The following CPSF2 variants were observed in gnomAD, a reference collection of about 807,000 sequenced individuals.
The protein encoded by CPSF2 is cleavage and polyadenylation specificity factor subunit 2.
In CPSF2, 51 loss-of-function variants were observed where a neutral mutation model predicts 84.2. The ratio of observed to expected loss-of-function variants is 0.61; its 90% CI spans 0.48 to 0.77. CPSF2 has a LOEUF of 0.77. Among genes scored for constraint, CPSF2 ranks in the 30% least tolerant of loss-of-function variants. The probability of loss-of-function intolerance (pLI) is 0.00; values close to 1 mark genes in which losing one functional copy is unlikely to be tolerated. For synonymous variants in CPSF2, 286 were observed against 311.9 expected, an observed-to-expected ratio of 0.92 and a Z score of 0.87; for missense variants, 641 against 929.4, an observed-to-expected ratio of 0.69 and a Z score of 4.03.
Position 92,159,166 on chromosome 14 carries a change from G to T in CPSF2, c.2005G>T (p.Asp669Tyr). ...DSEMQVEAPS[D>Y]SSVIAQQKAM... ...AGAGATGCAAGTGGAAGCTCCCTCA[G>T]ATTCTAGCGTTATAGCACAACAAAA... Residue 669 changes from aspartate to tyrosine, a missense_variant, in exon 14 of 16, where the codon GAT becomes TAT. Around this residue, in one of 2 missense-constraint regions of CPSF2, gnomAD observed 430 missense variants for 553.6 expected, o/e 0.78. Coordinates refer to ENST00000298875, the MANE Select transcript of CPSF2 (RefSeq NM_017437.3). 1 of 1,614,068 alleles carries T rather than the reference G, an allele frequency of 6.2e-7. No homozygotes were observed. Among genetic ancestry groups the T allele is most frequent in the East Asian group, 2.2e-5 (1 of 44,872 alleles).
rs1567021143 is a variant in CPSF2 at position 92,143,119 on chromosome 14, G to A, written c.965G>A (p.Ser322Asn). ...CTTTCTGACTTGGCCCGTGTACCTAGCCCTAAAGTTGTACTTGCCAGCCAA... is the reference window on the plus strand; with the variant it reads ...CTTTCTGACTTGGCCCGTGTACCTAACCCTAAAGTTGTACTTGCCAGCCAA... Reference protein sequence around the residue: ...HGLSDLARVPSPKVVLASQPD... With the variant: ...HGLSDLARVPNPKVVLASQPD... Residue 322 changes from serine (S) to asparagine (N), a missense_variant, in exon 9 of 16, where the codon AGC becomes AAC. Physicochemically the swap from Ser to Asn is conservative, Grantham distance 46. Transcript: ENST00000298875. The A allele has an allele frequency of 6.2e-7, 1 of 1,613,996 alleles. No individual in the cohort carries two copies. Among genetic ancestry groups the A allele is most frequent in the Non-Finnish European group, 8.5e-7 (1 of 1,180,000 alleles).
chr14:92,138,521 C>A (rs1002829133), intron 7 of CPSF2, among the ~76,000 whole-genome samples, 174 bp downstream of exon 7: 14 of 152,034 alleles, frequency 9.2e-5, no homozygotes, highest in Admixed American at 1.3e-4. Context: ...CTTCCGCCTC[C>A]TGGGTTCAAG....
At position 92,161,954 on chromosome 14, in the gene CPSF2, T is replaced by G; in HGVS notation, c.*210T>G. ...CTTTTGGCTTTCAGAGTGATAGAGCTCCTAACAGGTGTACAGGCCCAAGAG... is the reference window on the plus strand; with the variant it reads ...CTTTTGGCTTTCAGAGTGATAGAGCGCCTAACAGGTGTACAGGCCCAAGAG... On this transcript the variant is annotated 3_prime_UTR_variant, in exon 16 of 16. Coordinates refer to ENST00000298875, the MANE Select transcript of CPSF2 (RefSeq NM_017437.3). The G allele has an allele frequency of 2.4e-6, 1 of 420,256 alleles. No homozygotes were observed. The highest frequency in any genetic ancestry group is 4.2e-6 in the Non-Finnish European group (1 of 240,078). 26.0% of individuals were successfully genotyped at this position (420,256 alleles called of 1,614,324 possible). A position where few individuals can be genotyped will look rare whatever the true frequency, so the allele number is the denominator to read the frequency against.
At chr14:92,150,571 G>A (rs779771623) in intron 9 of CPSF2, among the ~76,000 whole-genome samples, 3 of 152,024 alleles carry the variant, frequency 2.0e-5, no homozygotes, top group African/African-American at 7.3e-5. Flanking sequence ...AGGACTACGG[G>A]TGTGTTTCAC....
At chr14:92,132,472 C>T (rs1192386315) in intron 3 of CPSF2, among the ~76,000 whole-genome samples, 1 of 150,336 alleles carries the variant, frequency 6.7e-6, no homozygotes, top group Admixed American at 6.6e-5. Flanking sequence ...AGTTCTTGAA[C>T]TTAAATTAAT....
At chr14:92,131,851 GATAAA>G (rs2068936073) in intron 3 of CPSF2, among the ~76,000 whole-genome samples, 1 of 150,630 alleles carries the variant, frequency 6.6e-6, no homozygotes, top group Non-Finnish European at 1.5e-5. Context: ...AAAAAAATAA[GATAAA>G]ATAAAAAGTC....
chr14:92,122,761 G>T (rs2068790765), intron 1 of CPSF2, among the ~76,000 whole-genome samples: 1 of 152,110 alleles, frequency 6.6e-6, no homozygotes, highest in Admixed American at 6.5e-5. Context: ...GGCAAGTCTG[G>T]CTTCCTGTGA....
chr14:92,168,274 G>A lies in CPSF2; in HGVS notation c.*6530G>A, dbSNP rs1017737947. 3.6e-5 allele frequency: 5 copies of A among 140,274 alleles called. No homozygotes were observed. Among genetic ancestry groups the A allele is most frequent in the African/African-American group, 1.3e-4 (5 of 38,802 alleles). The allele number at this position is 140,274 out of a possible 1,614,324, so 8.7% of individuals were successfully genotyped here. On this transcript the variant is annotated 3_prime_UTR_variant, in exon 16 of 16. Coordinates refer to ENST00000298875, the MANE Select transcript of CPSF2 (RefSeq NM_017437.3). ...AAAAAAAAAAAAAAAAAAGGGCAGG[G>A]GGAGCGGCTAGAGAAGGAACATTCA...
Position 92,135,501 on chromosome 14 carries a change from G to A in CPSF2, c.545+5G>A. 6.2e-7 allele frequency: 1 copy of A among 1,608,238 alleles called. No individual in the cohort carries two copies. Among genetic ancestry groups the A allele is most frequent in the Non-Finnish European group, 8.5e-7 (1 of 1,177,806 alleles). On this transcript the variant is annotated splice_donor_5th_base_variant and intron_variant, in intron 6 of 15. Coordinates refer to ENST00000298875, the MANE Select transcript of CPSF2 (RefSeq NM_017437.3). The stretch of plus-strand genomic sequence containing the variant: ...CTTCAACCACAAGAGGGAGATGTAG[G>A]TATATCAAGAGAAAAGCTAAAGGCA...
intron 9 of CPSF2, among the ~76,000 whole-genome samples, chr14:92,150,041 A>G (rs918677721): frequency 7.2e-5 from 11 of 152,172 alleles, no homozygotes; most frequent in Admixed American, 3.3e-4. Flanking sequence ...TACAATGGCT[A>G]TCTCCAAGAA....
At chr14:92,133,622 CTT>C (rs35567316) in intron 3 of CPSF2, among the ~76,000 whole-genome samples, 9 of 139,348 alleles carry the variant, frequency 6.5e-5, no homozygotes, top group Non-Finnish European at 9.4e-5. Flanking sequence ...CCACCCCTGG[CTT>C]TTTTTTTTTT....
intron 3 of CPSF2, among the ~76,000 whole-genome samples, chr14:92,133,274 C>T (rs1292219755): frequency 2.0e-5 from 3 of 151,724 alleles, no homozygotes; most frequent in Admixed American, 6.6e-5. Context: ...ACAAAATAAG[C>T]TGGGAGTGGT....
chr14:92,139,601 C>T (rs2069047769), intron 7 of CPSF2, among the ~76,000 whole-genome samples: 2 of 147,626 alleles, frequency 1.4e-5, no homozygotes, highest in South Asian at 2.2e-4. Flanking sequence ...TGCAGTGGCA[C>T]AGTCTCGGCT....
intron 7 of CPSF2, among the ~76,000 whole-genome samples, chr14:92,138,882 G>A (rs1201758732): frequency 6.6e-6 from 1 of 150,646 alleles, no homozygotes; most frequent in Non-Finnish European, 1.5e-5. Context: ...ACTGTATTCT[G>A]TTTAGCACTT....
At chr14:92,143,413 A>G in intron 9 of CPSF2, 119 bp downstream of exon 9, 1 of 762,854 alleles carries the variant, frequency 1.3e-6, no homozygotes, top group South Asian at 1.9e-5. Flanking sequence ...TATCAGAATT[A>G]CTCTTGAGAG....
intron 15 of CPSF2, 33 bp downstream of exon 15, chr14:92,161,279 C>T (rs200547514): frequency 3.8e-5 from 60 of 1,568,748 alleles, no homozygotes; most frequent in Non-Finnish European, 4.3e-5. Flanking sequence ...CTGAATTGAA[C>T]ACATACGTCT....
intron 3 of CPSF2, among the ~76,000 whole-genome samples, chr14:92,132,487 T>C (rs1481033998): frequency 1.3e-5 from 2 of 151,554 alleles, no homozygotes; most frequent in African/African-American, 2.4e-5. Flanking sequence ...ATTAATAGTT[T>C]GCGACCAGGC....
intron 7 of CPSF2, among the ~76,000 whole-genome samples, chr14:92,141,250 C>T (rs2069074763): frequency 6.6e-6 from 1 of 152,118 alleles, no homozygotes. Flanking sequence ...CAACCATTTA[C>T]ATAGCATGTA....
chr14:92,148,702 T>G (rs1378992526), intron 9 of CPSF2, among the ~76,000 whole-genome samples: 5 of 151,136 alleles, frequency 3.3e-5, no homozygotes, highest in Non-Finnish European at 7.4e-5. Flanking sequence ...GTCCCAGCTA[T>G]TGAGGCAAGA....
Sources: allele counts gnomAD v4.1 joint callset (sites outside exome capture counted in the v4.1 genomes callset), GRCh38; gene constraint gnomAD v4.1.1; regional missense constraint gnomAD v4.1.1; transcripts MANE v1.5; gene names NCBI Gene and HGNC (gene_info 2026-07-23, HGNC 2026-07-21).